AQR: variants seen among roughly 807,000 people sequenced by gnomAD.
The protein encoded by AQR is RNA helicase aquarius.
In AQR, 61 loss-of-function variants were observed where a neutral mutation model predicts 180.5. That is an observed-to-expected ratio of 0.34 (90% CI 0.28 to 0.42). The LOEUF is 0.42. AQR is among the 10% of genes least tolerant of loss of function. The probability of loss-of-function intolerance (pLI) is 1.00; values close to 1 mark genes in which losing one functional copy is unlikely to be tolerated. For missense variants in AQR, 1,281 were observed against 1,798.3 expected (o/e 0.71, Z 5.20); for synonymous variants, 551 against 588.8 (o/e 0.94, Z 0.93).
chr15:34,955,676 G>A (rs554685961), intron 3 of AQR, among the ~76,000 whole-genome samples: 1 of 152,264 alleles, frequency 6.6e-6, no homozygotes, highest in African/African-American at 2.4e-5. Flanking sequence ...GGGAGGCCGA[G>A]GCATACAGAT....
chr15:34,852,160 G>C lies in AQR; in HGVS notation c.*4632C>G, dbSNP rs1462342783. On this transcript the variant is annotated 3_prime_UTR_variant, in exon 35 of 35. Coordinates refer to ENST00000156471, the MANE Select transcript of AQR (RefSeq NM_014691.3). ...AAAGATATTGGTTCCCAAGGAAATA[G>C]CTACCTAAGTTATGTTTTTTTTTTT... 2 of 151,564 alleles carry C rather than the reference G, an allele frequency of 1.3e-5. No individual in the cohort carries two copies. The highest frequency in any genetic ancestry group is 4.9e-5 in the African/African-American group (2 of 41,104). 9.4% of individuals were successfully genotyped at this position (151,564 alleles called of 1,614,324 possible).
chr15:34,923,589 G>A (rs776825087), intron 13 of AQR, among the ~76,000 whole-genome samples: 22 of 152,044 alleles, frequency 1.4e-4, no homozygotes, highest in Admixed American at 1.3e-3. Flanking sequence ...TCTATAATCC[G>A]ATTTGAGTTA....
intron 29 of AQR, 172 bp from the exon 30 acceptor site, chr15:34,874,171 T>A: frequency 3.5e-6 from 2 of 568,492 alleles, no homozygotes; most frequent in Non-Finnish European, 5.6e-6. Context: ...CTACTTCAAG[T>A]AACCAAGGGT....
At position 34,867,550 on chromosome 15, in the gene AQR, T is replaced by C. The variant is rs924106531; in HGVS notation, c.3828A>G (p.Val1276=). 5 of 1,612,626 alleles carry C rather than the reference T, an allele frequency of 3.1e-6. No homozygotes were observed. In the South Asian group the frequency reaches 5.5e-5, roughly 18 times the overall value. ...QQNDYILLSL[V]RTRAVGHLRD... ...TCAGATGGCCCACTGCCCTGGTTCGTACCAGAGAAAGAAGAATATAGTCAT... is the reference window on the plus strand; with the variant it reads ...TCAGATGGCCCACTGCCCTGGTTCGCACCAGAGAAAGAAGAATATAGTCAT... Residue 1276 remains valine (V), a synonymous_variant, in exon 32 of 35, where the codon GTA becomes GTG. Coordinates refer to ENST00000156471, the MANE Select transcript of AQR (RefSeq NM_014691.3).
chr15:34,963,120 CAT>C (rs1289018716), intron 2 of AQR, among the ~76,000 whole-genome samples: 1 of 152,154 alleles, frequency 6.6e-6, no homozygotes, highest in Non-Finnish European at 1.5e-5. Flanking sequence ...ATTGATACTA[CAT>C]GTGTGAGCCA....
chr15:34,927,157 A>C lies in AQR; in HGVS notation c.1015-19T>G. ...CAGCTCTCTAGAAAATAATGGCAAA[A>C]AATATTAATAATTAATGTCTACATA... On this transcript the variant is annotated intron_variant, in intron 12 of 34. Transcript: ENST00000156471. 1.4e-6 allele frequency: 2 copies of C among 1,401,986 alleles called. No homozygotes were observed. Among genetic ancestry groups the C allele is most frequent in the Non-Finnish European group, 2.0e-6 (2 of 1,019,446 alleles). The allele number at this position is 1,401,986 out of a possible 1,614,324, so 86.8% of individuals were successfully genotyped here.
chr15:34,883,001 T>G (rs911498421), intron 26 of AQR, among the ~76,000 whole-genome samples: 8 of 152,122 alleles, frequency 5.3e-5, no homozygotes, highest in Admixed American at 1.3e-4. Context: ...GTTATATAAG[T>G]GATAGAGGAA....
At chr15:34,899,998 T>A (rs1893306060) in intron 20 of AQR, among the ~76,000 whole-genome samples, 1 of 152,150 alleles carries the variant, frequency 6.6e-6, no homozygotes, top group South Asian at 2.1e-4. Context: ...GTTCACACAA[T>A]CCTCCTGCCT....
intron 13 of AQR, among the ~76,000 whole-genome samples, chr15:34,922,022 G>A (rs191025013): frequency 1.3e-5 from 2 of 152,302 alleles, no homozygotes; most frequent in East Asian, 3.9e-4. Flanking sequence ...ATGTTGCCCA[G>A]GCTGGTCTCA....
At chr15:34,936,713 C>CT (rs768805993) in intron 9 of AQR, among the ~76,000 whole-genome samples, 1 of 147,846 alleles carries the variant, frequency 6.8e-6, no homozygotes, top group East Asian at 2.0e-4. Context: ...GAGACTCCAT[C>CT]TTTAAAAAAA....
intron 16 of AQR, among the ~76,000 whole-genome samples, 183 bp from the exon 17 acceptor site, chr15:34,910,496 AGATAGCATGAAACAGGGATAT>A (rs547283335): frequency 2.6e-3 from 391 of 152,328 alleles, no homozygotes; most frequent in African/African-American, 8.9e-3. Context: ...AAAGTATATA[AGATAGCATGAAACAGGGATAT>A]GATAGCATGA....
At chr15:34,905,434 A>G (rs910018927) in intron 18 of AQR, among the ~76,000 whole-genome samples, 1 of 152,066 alleles carries the variant, frequency 6.6e-6, no homozygotes, top group Non-Finnish European at 1.5e-5. Context: ...AAATCAAATA[A>G]CTGACTAATT....
intron 6 of AQR, chr15:34,942,995 A>G: frequency 7.0e-7 from 1 of 1,422,842 alleles, no homozygotes; most frequent in Non-Finnish European, 9.6e-7. Flanking sequence ...TGATAAAAAA[A>G]TCACATCTAT....
chr15:34,898,625 C>T (rs2140475491), intron 20 of AQR, among the ~76,000 whole-genome samples: 1 of 152,348 alleles, frequency 6.6e-6, no homozygotes, highest in Non-Finnish European at 1.5e-5. Flanking sequence ...TTGGCTCACA[C>T]CTGTGATCCA....
At chr15:34,868,901 T>C (rs1392941461) in intron 31 of AQR, 2 of 152,208 alleles carry the variant, frequency 1.3e-5, no homozygotes, top group Non-Finnish European at 2.9e-5. Flanking sequence ...CACCTTTTCA[T>C]GAAAAGTTGG....
intron 18 of AQR, 83 bp from the exon 19 acceptor site, chr15:34,904,588 A>T: frequency 7.5e-7 from 1 of 1,334,954 alleles, no homozygotes; most frequent in Non-Finnish European, 1.0e-6. Flanking sequence ...TTTTCTAGAA[A>T]TGGTGAGTAA....
intron 24 of AQR, 81 bp downstream of exon 24, chr15:34,890,134 G>T: frequency 8.0e-7 from 1 of 1,243,980 alleles, no homozygotes; most frequent in Non-Finnish European, 1.1e-6. Context: ...AGTATTCATT[G>T]CTTTCTTCTT....
Position 34,906,732 on chromosome 15 carries a change from T to TTTATTATTA in AQR, c.1664-21_1664-20insTAATAATAA. 6.3e-7 allele frequency: 1 copy of TTTATTATTA among 1,593,914 alleles called. No individual in the cohort carries two copies. Among genetic ancestry groups the TTTATTATTA allele is most frequent in the Non-Finnish European group, 8.5e-7 (1 of 1,170,124 alleles). On this transcript the variant is annotated intron_variant, in intron 17 of 34. Coordinates refer to ENST00000156471, the MANE Select transcript of AQR (RefSeq NM_014691.3). ...GAAGACCTGGTAAGATATAAAGACA[T>TTTATTATTA]TTTCATTTATTAGAATTTCATTGTT... is the stretch of plus-strand genomic sequence containing the variant.
At position 34,867,538 on chromosome 15, in the gene AQR, T is replaced by G. The variant is rs1892753321; in HGVS notation, c.3840A>C (p.Ala1280=). 19 of 1,612,842 alleles carry G rather than the reference T, an allele frequency of 1.2e-5. No individual in the cohort carries two copies. The highest frequency in any genetic ancestry group is 1.6e-5 in the Non-Finnish European group (19 of 1,179,272). Residue 1280 remains alanine (A), a synonymous_variant, in exon 32 of 35, where the codon GCA becomes GCC. Coordinates refer to ENST00000156471, the MANE Select transcript of AQR (RefSeq NM_014691.3). Reference sequence around the variant, plus strand: ...TTCCTACGTACCTCAGATGGCCCACTGCCCTGGTTCGTACCAGAGAAAGAA... The same window carrying G: ...TTCCTACGTACCTCAGATGGCCCACGGCCCTGGTTCGTACCAGAGAAAGAA... ...YILLSLVRTR[A]VGHLRDVRRL... is the part of the protein sequence containing the mutation.
Sources: gnomAD v4.1 joint callset for allele counts (sites outside exome capture counted in the v4.1 genomes callset) on GRCh38, gnomAD v4.1.1 for gene constraint, MANE v1.5 for transcripts, NCBI Gene and HGNC (gene_info 2026-07-23, HGNC 2026-07-21) for gene names.